The following CSMD1 variants were observed in gnomAD, a reference collection of about 807,000 sequenced individuals.
CSMD1 encodes the protein CUB and Sushi multiple domains 1, also known as CUB and sushi domain-containing protein 1.
CSMD1 carries 213 observed loss-of-function variants against 417.5 expected under a neutral mutation model. The observed-to-expected ratio is 0.51, with a 90% CI of 0.46 to 0.57. CSMD1 has a LOEUF of 0.57. Ranked by LOEUF, CSMD1 falls within the 20% of genes least tolerant of loss-of-function variation. The pLI is 0.00. For synonymous variants in CSMD1, 2,862 were observed against 1,736.8 expected, an observed-to-expected ratio of 1.65 and a Z score of -16.11; for missense variants, 6,923 against 4,529.7, an observed-to-expected ratio of 1.53 and a Z score of -15.17.
At chr8:4,430,490 T>A (rs1333048308) in intron 2 of CSMD1, among the ~76,000 whole-genome samples, 2 of 152,102 alleles carry the variant, frequency 1.3e-5, no homozygotes, top group Non-Finnish European at 2.9e-5. Flanking sequence ...ATATCATAAT[T>A]TGCACTAAAC....
intron 3 of CSMD1, among the ~76,000 whole-genome samples, chr8:4,368,283 T>C (rs939832043): frequency 6.6e-6 from 1 of 152,194 alleles, no homozygotes; most frequent in African/African-American, 2.4e-5. Context: ...ATATGGTGAA[T>C]CACATTTATT....
chr8:3,193,532 C>G (rs1796538072), intron 33 of CSMD1, among the ~76,000 whole-genome samples: 1 of 151,940 alleles, frequency 6.6e-6, no homozygotes, highest in Admixed American at 6.6e-5. Flanking sequence ...TGGGTCTGGC[C>G]CTTCACCTGG....
chr8:4,550,333 A>G lies in CSMD1; in HGVS notation c.302+87009T>C, dbSNP rs540564969. Among the ~76,000 whole-genome samples, 238 of 143,148 alleles carry G rather than the reference A, an allele frequency of 1.7e-3. 2 individuals are homozygous for G. In the East Asian group the frequency reaches 0.035, roughly 21 times the overall value. 93.9% of individuals were successfully genotyped at this position (143,148 alleles called of 152,430 possible). Reference sequence around the variant, plus strand: ...TTGGAAGAAGCATACACACACGCACACACACACACACACACACACACACAC... The same window carrying G: ...TTGGAAGAAGCATACACACACGCACGCACACACACACACACACACACACAC... On this transcript the variant is annotated intron_variant, in intron 2 of 69. Coordinates refer to ENST00000635120, the MANE Select transcript of CSMD1 (RefSeq NM_033225.6).
intron 11 of CSMD1, among the ~76,000 whole-genome samples, chr8:3,482,528 C>G (rs1006513288): frequency 6.6e-6 from 1 of 152,148 alleles, no homozygotes; most frequent in African/African-American, 2.4e-5. Context: ...GAAGCAAAAA[C>G]TGATAAAGCT....
At chr8:3,650,860 A>C (rs1172085081) in intron 7 of CSMD1, among the ~76,000 whole-genome samples, 1 of 152,166 alleles carries the variant, frequency 6.6e-6, no homozygotes, top group Non-Finnish European at 1.5e-5. Flanking sequence ...CCCTGTATGT[A>C]ACTATGACTA....
intron 3 of CSMD1, among the ~76,000 whole-genome samples, chr8:4,283,408 A>C (rs1796895390): frequency 6.6e-6 from 1 of 152,198 alleles, no homozygotes; most frequent in Admixed American, 6.5e-5. Context: ...TAATTCTAAG[A>C]ACACATTCTT....
chr8:4,197,199 T>A (rs985417419), intron 3 of CSMD1, among the ~76,000 whole-genome samples: 2 of 152,330 alleles, frequency 1.3e-5, no homozygotes, highest in South Asian at 4.1e-4. Context: ...TCCTAGCATT[T>A]TCCAGTAAGA....
chr8:3,742,747 A>G (rs1276362717), intron 6 of CSMD1, among the ~76,000 whole-genome samples: 1 of 152,166 alleles, frequency 6.6e-6, no homozygotes, highest in Non-Finnish European at 1.5e-5. Flanking sequence ...AAGAAAAAAA[A>G]CAAAAACAAA....
chr8:3,809,560 C>G (rs940996837), intron 5 of CSMD1, among the ~76,000 whole-genome samples: 1 of 152,102 alleles, frequency 6.6e-6, no homozygotes, highest in Admixed American at 6.6e-5. Flanking sequence ...ATCGGATTCA[C>G]TGGGAGAGCT....
Position 3,771,464 on chromosome 8 carries a change from C to A in CSMD1, c.819-17422G>T, listed in dbSNP as rs187955341. On this transcript the variant is annotated intron_variant, in intron 5 of 69. Coordinates refer to ENST00000635120, the MANE Select transcript of CSMD1 (RefSeq NM_033225.6). ...CTTCTCTCAGTTGCTGGTGGGGGGG[C>A]AAGCAGGGCCAGGCCAATTCTCAAG... is the stretch of plus-strand genomic sequence containing the variant. Among the ~76,000 whole-genome samples the A allele has an allele frequency of 8.1e-4, 123 of 152,238 alleles. 1 individual carries two copies. In the Middle Eastern group the frequency reaches 0.024, roughly 29 times the overall value.
In CSMD1 at chr8:4,436,534, C is replaced by A. The variant is rs564319561; in HGVS notation, c.303-16469G>T. Among the ~76,000 whole-genome samples, 4 of 152,124 alleles carry A rather than the reference C, an allele frequency of 2.6e-5. No individual in the cohort carries two copies. In the East Asian group the frequency reaches 7.7e-4, roughly 29 times the overall value. ...AAACATTTATCCTTCAAGTAACAAA[C>A]AATCCGATCACACTGTAAGTTATTT... On this transcript the variant is annotated intron_variant, in intron 2 of 69. Coordinates refer to ENST00000635120, the MANE Select transcript of CSMD1 (RefSeq NM_033225.6).
intron 8 of CSMD1, among the ~76,000 whole-genome samples, chr8:3,600,650 A>G (rs898739915): frequency 6.6e-6 from 1 of 152,148 alleles, no homozygotes; most frequent in African/African-American, 2.4e-5. Context: ...ACCCCAGATG[A>G]TAAGAGACAG....
At chr8:4,426,422 CAT>C (rs1440617963) in intron 2 of CSMD1, among the ~76,000 whole-genome samples, 2 of 148,382 alleles carry the variant, frequency 1.3e-5, no homozygotes, top group Admixed American at 6.8e-5. Flanking sequence ...TATACAATAT[CAT>C]AAACATATAC....
intron 51 of CSMD1, among the ~76,000 whole-genome samples, chr8:3,024,805 C>T (rs1809731192): frequency 6.6e-6 from 1 of 152,164 alleles, no homozygotes; most frequent in Non-Finnish European, 1.5e-5. Context: ...TTGAATATTG[C>T]ACTAAAGCTG....
chr8:4,347,490 T>C (rs1220057543), intron 3 of CSMD1, among the ~76,000 whole-genome samples: 1 of 152,114 alleles, frequency 6.6e-6, no homozygotes, highest in Non-Finnish European at 1.5e-5. Flanking sequence ...ATTGCAAGAC[T>C]AAAGGAGACT....
chr8:4,426,791 A>T (rs1585056166), intron 2 of CSMD1, among the ~76,000 whole-genome samples: 1 of 148,850 alleles, frequency 6.7e-6, no homozygotes, highest in Non-Finnish European at 1.5e-5. Context: ...GATATTATAT[A>T]ATATAGAAAT....
At chr8:4,486,122 CATAT>C (rs549034961) in intron 2 of CSMD1, among the ~76,000 whole-genome samples, 17 of 126,956 alleles carry the variant, frequency 1.3e-4, no homozygotes, top group East Asian at 6.7e-4. Flanking sequence ...TATATACATA[CATAT>C]ATATATATAT....
chr8:4,788,154 G>A, intron 1 of CSMD1: 2 of 1,599,472 alleles, frequency 1.3e-6, no homozygotes, highest in Non-Finnish European at 1.7e-6. Context: ...TGGTCACTGT[G>A]AAAAAATCAA....
intron 4 of CSMD1, among the ~76,000 whole-genome samples, chr8:4,013,604 C>G (rs951528339): frequency 2.0e-5 from 3 of 152,186 alleles, no homozygotes; most frequent in South Asian, 2.1e-4. Context: ...CAAAGTTTAT[C>G]TGTTGCTTCT....
Sources: allele counts gnomAD v4.1 joint callset (sites outside exome capture counted in the v4.1 genomes callset), GRCh38; gene constraint gnomAD v4.1.1; transcripts MANE v1.5; gene names NCBI Gene and HGNC (gene_info 2026-07-23, HGNC 2026-07-21).